The following GRIN2A variants were observed in gnomAD, a reference collection of about 807,000 sequenced individuals.
The protein encoded by GRIN2A is glutamate ionotropic receptor NMDA type subunit 2A, also known as glutamate receptor ionotropic, NMDA 2A.
A neutral mutation model predicts 113.4 loss-of-function variants in GRIN2A; 22 were observed. The ratio of observed to expected loss-of-function variants is 0.19; its 90% CI spans 0.14 to 0.28. The LOEUF (loss-of-function observed/expected upper bound fraction) is 0.28. Among genes scored for constraint, GRIN2A ranks in the 10% least tolerant of loss-of-function variants. The pLI, the probability that GRIN2A is intolerant of heterozygous loss-of-function variation, is 1.00. For synonymous variants in GRIN2A, 827 were observed against 738.4 expected (o/e 1.12, Z -1.94); for missense variants, 1,502 against 1,887.0 (o/e 0.80, Z 3.78).
chr16:9,971,022 G>A (rs1268467326), intron 2 of GRIN2A, among the ~76,000 whole-genome samples: 1 of 152,160 alleles, frequency 6.6e-6, no homozygotes, highest in African/African-American at 2.4e-5. Flanking sequence ...GAAGGGGAGA[G>A]GCTAGAAGGC....
intron 2 of GRIN2A, among the ~76,000 whole-genome samples, chr16:10,043,530 C>T (rs185496714): frequency 2.6e-4 from 39 of 152,310 alleles, no homozygotes; most frequent in Admixed American, 2.4e-3. Context: ...TTCCACTTCT[C>T]ACTATATATG....
chr16:9,955,290 C>G (rs1407833241), intron 2 of GRIN2A, among the ~76,000 whole-genome samples: 1 of 152,184 alleles, frequency 6.6e-6, no homozygotes, highest in African/African-American at 2.4e-5. Context: ...ACCTCTCGGC[C>G]ACCTTGTGTC....
Position 9,917,429 on chromosome 16 carries a change from C to T in GRIN2A, c.1007+20530G>A, listed in dbSNP as rs140271641. On this transcript the variant is annotated intron_variant, in intron 3 of 12. Coordinates refer to ENST00000330684, the MANE Select transcript of GRIN2A (RefSeq NM_001134407.3). ...GATGAATGCAATTGTGACTGCTGTC[C>T]ACTAACAATGTGACCTTGAAAAAGG... Among the ~76,000 whole-genome samples the T allele has an allele frequency of 3.1e-3, 472 of 152,312 alleles. 4 individuals are homozygous for T. Among genetic ancestry groups the T allele is most frequent in the African/African-American group, 0.011 (448 of 41,568 alleles).
At chr16:10,110,663 T>A (rs2048595424) in intron 2 of GRIN2A, among the ~76,000 whole-genome samples, 1 of 152,238 alleles carries the variant, frequency 6.6e-6, no homozygotes, top group African/African-American at 2.4e-5. Flanking sequence ...AGGAGAAATC[T>A]TGTAGCAGGT....
At chr16:10,156,933 T>A (rs546668569) in intron 2 of GRIN2A, among the ~76,000 whole-genome samples, 2 of 152,298 alleles carry the variant, frequency 1.3e-5, no homozygotes, top group South Asian at 4.2e-4. Context: ...GAACAAGTTA[T>A]CTAATTCACC....
intron 3 of GRIN2A, among the ~76,000 whole-genome samples, chr16:9,923,961 T>C (rs2044404554): frequency 1.3e-5 from 2 of 152,042 alleles, no homozygotes; most frequent in South Asian, 4.2e-4. Flanking sequence ...ACCTCATCTC[T>C]ACTAAAAATA....
intron 2 of GRIN2A, among the ~76,000 whole-genome samples, chr16:10,077,561 A>G (rs2047898562): frequency 6.6e-6 from 1 of 152,226 alleles, no homozygotes; most frequent in African/African-American, 2.4e-5. Flanking sequence ...CAGTGAAGCC[A>G]GAATGGCCCC....
At chr16:10,114,279 CT>C (rs970806450) in intron 2 of GRIN2A, among the ~76,000 whole-genome samples, 3 of 152,166 alleles carry the variant, frequency 2.0e-5, no homozygotes, top group African/African-American at 7.2e-5. Flanking sequence ...AATGCCAATG[CT>C]AAACACTCTT....
intron 3 of GRIN2A, among the ~76,000 whole-genome samples, chr16:9,912,230 T>A (rs1347505567): frequency 6.6e-6 from 1 of 151,972 alleles, no homozygotes; most frequent in African/African-American, 2.4e-5. Flanking sequence ...ATGGCAATGA[T>A]GATAGATAAT....
rs2141128707 is a variant in GRIN2A at position 9,763,653 on chromosome 16, G to C, written c.3891C>G (p.Asp1297Glu). 1 of 1,613,436 alleles carries C rather than the reference G, an allele frequency of 6.2e-7. No individual in the cohort carries two copies. Among genetic ancestry groups the C allele is most frequent in the East Asian group, 2.2e-5 (1 of 44,882 alleles). The change falls in exon 13 of 13, where the codon GAC (aspartate) becomes GAG (glutamate). Residue 1297 changes from aspartate (D) to glutamate (E), a missense_variant. Coordinates refer to ENST00000330684, the MANE Select transcript of GRIN2A (RefSeq NM_001134407.3). The part of the protein sequence containing the change: ...SRQHSYDNIV[D>E]KPRELDLSRP... ...TGCTAAGGTCTAGCTCCCTAGGTTT[G>C]TCGACAATGTTATCGTAGGAATGCT...
At chr16:9,940,410 T>G (rs749511332) in intron 2 of GRIN2A, among the ~76,000 whole-genome samples, 3 of 152,186 alleles carry the variant, frequency 2.0e-5, no homozygotes, top group Non-Finnish European at 4.4e-5. Flanking sequence ...GGATAATTAT[T>G]GTTTTCCCTA....
chr16:9,932,788 A>G (rs568130157), intron 3 of GRIN2A, among the ~76,000 whole-genome samples: 2 of 152,284 alleles, frequency 1.3e-5, no homozygotes, highest in Non-Finnish European at 2.9e-5. Context: ...TCTTGTCCCC[A>G]TATTACACCT....
intron 2 of GRIN2A, among the ~76,000 whole-genome samples, chr16:10,076,135 G>C (rs1326923471): frequency 1.3e-5 from 2 of 152,162 alleles, no homozygotes; most frequent in Admixed American, 6.5e-5. Flanking sequence ...TCCCAGCCCA[G>C]CACCTGGGAC....
At chr16:10,050,643 T>C (rs1045516445) in intron 2 of GRIN2A, among the ~76,000 whole-genome samples, 2 of 152,078 alleles carry the variant, frequency 1.3e-5, no homozygotes, top group African/African-American at 4.8e-5. Flanking sequence ...AGTTGTATCA[T>C]TATTTCATTA....
chr16:9,798,532 G>T, intron 10 of GRIN2A, 68 bp from the exon 11 acceptor site: 1 of 1,195,920 alleles, frequency 8.4e-7, no homozygotes, highest in Non-Finnish European at 1.2e-6. Context: ...AGCTCCTGAG[G>T]CCTGATCCTG....
intron 2 of GRIN2A, among the ~76,000 whole-genome samples, chr16:10,068,004 C>T (rs907474578): frequency 4.6e-5 from 7 of 152,210 alleles, no homozygotes; most frequent in Non-Finnish European, 1.0e-4. Flanking sequence ...ATTAAACTCT[C>T]TAGGCTACAA....
intron 11 of GRIN2A, among the ~76,000 whole-genome samples, chr16:9,777,939 C>T (rs1901703795): frequency 6.6e-6 from 1 of 152,178 alleles, no homozygotes; most frequent in Non-Finnish European, 1.5e-5. Flanking sequence ...GTCGTGGGCG[C>T]CTGTAATCCC....
intron 4 of GRIN2A, among the ~76,000 whole-genome samples, chr16:9,868,236 C>A (rs1329799809): frequency 6.6e-6 from 1 of 152,090 alleles, no homozygotes; most frequent in Non-Finnish European, 1.5e-5. Flanking sequence ...TGCTCTTCAT[C>A]CCATTCTCCA....
chr16:9,972,025 G>T (rs1166715020), intron 2 of GRIN2A, among the ~76,000 whole-genome samples: 2 of 152,156 alleles, frequency 1.3e-5, no homozygotes, highest in Admixed American at 6.5e-5. Flanking sequence ...GGAAGTTAGA[G>T]ACCTGGAAGT....
Sources: allele counts gnomAD v4.1 joint callset (sites outside exome capture counted in the v4.1 genomes callset), GRCh38; gene constraint gnomAD v4.1.1; transcripts MANE v1.5; gene names NCBI Gene and HGNC (gene_info 2026-07-23, HGNC 2026-07-21).